CTNNA3: variants seen among roughly 807,000 people sequenced by gnomAD.
CTNNA3 encodes catenin alpha 3.
In CTNNA3, 76 loss-of-function variants were observed where a neutral mutation model predicts 95.7. That is an observed-to-expected ratio of 0.79 (90% CI 0.66 to 0.96). CTNNA3 has a LOEUF of 0.96. CTNNA3 is among the 40% of genes least tolerant of loss of function. The pLI is 0.00. For missense variants in CTNNA3, 1,191 were observed against 1,089.8 expected, an observed-to-expected ratio of 1.09 and a Z score of -1.31; for synonymous variants, 431 against 374.4, an observed-to-expected ratio of 1.15 and a Z score of -1.74.
intron 17 of CTNNA3, among the ~76,000 whole-genome samples, chr10:65,929,111 TGA>T (rs1311673797): frequency 6.7e-6 from 1 of 150,254 alleles, no homozygotes; most frequent in Non-Finnish European, 1.5e-5. Flanking sequence ...CTCCTATGAG[TGA>T]GAACATGTGG....
At chr10:67,331,977 A>G (rs979336704) in intron 5 of CTNNA3, among the ~76,000 whole-genome samples, 1 of 152,170 alleles carries the variant, frequency 6.6e-6, no homozygotes, top group Non-Finnish European at 1.5e-5. Flanking sequence ...AATAAAAGCA[A>G]CTGGGATTCC....
At chr10:67,759,483 A>G (rs1375674191) in intron 1 of CTNNA3, among the ~76,000 whole-genome samples, 1 of 152,186 alleles carries the variant, frequency 6.6e-6, no homozygotes, top group Non-Finnish European at 1.5e-5. Context: ...TTTGTGTGAA[A>G]TTTTCATAAT....
chr10:66,038,387 T>G (rs1390205024), intron 15 of CTNNA3, among the ~76,000 whole-genome samples: 4 of 152,154 alleles, frequency 2.6e-5, no homozygotes, highest in African/African-American at 4.8e-5. Flanking sequence ...CTTTTATGTT[T>G]GGAAGACAGT....
intron 1 of CTNNA3, among the ~76,000 whole-genome samples, chr10:67,754,581 T>C (rs1159728370): frequency 6.6e-6 from 1 of 152,130 alleles, no homozygotes; most frequent in Non-Finnish European, 1.5e-5. Flanking sequence ...GAAACTAGTA[T>C]TAATAGAAGA....
rs73303486 is a variant in CTNNA3 at position 66,357,822 on chromosome 10, T to C, written c.1732+21330A>G. On this transcript the variant is annotated intron_variant, in intron 12 of 17. Transcript: ENST00000433211. ...CTTAGGTATACAGATAGGAACTGAATTGCTGTGTCAGATAGTAACACATAC... is the reference window on the plus strand; with the variant it reads ...CTTAGGTATACAGATAGGAACTGAACTGCTGTGTCAGATAGTAACACATAC... Among the ~76,000 whole-genome samples, 1,456 of 152,252 alleles carry C rather than the reference T, an allele frequency of 9.6e-3. 18 individuals are homozygous for C. Among genetic ancestry groups the C allele is most frequent in the African/African-American group, 0.033 (1,390 of 41,544 alleles).
intron 6 of CTNNA3, among the ~76,000 whole-genome samples, chr10:67,190,321 T>G (rs1301910955): frequency 6.6e-6 from 1 of 152,024 alleles, no homozygotes; most frequent in African/African-American, 2.4e-5. Context: ...TCATATATAT[T>G]TTTAAAACGA....
At chr10:67,421,874 T>A (rs1359422370) in intron 5 of CTNNA3, among the ~76,000 whole-genome samples, 1 of 152,120 alleles carries the variant, frequency 6.6e-6, no homozygotes, top group South Asian at 2.1e-4. Context: ...AATAAACTCA[T>A]TGTTTTGAAA....
intron 5 of CTNNA3, among the ~76,000 whole-genome samples, chr10:67,432,098 G>A (rs1846127705): frequency 1.3e-5 from 2 of 151,994 alleles, no homozygotes; most frequent in Admixed American, 1.3e-4. Context: ...AACTAATGCA[G>A]TGTATAAAGG....
At chr10:67,429,001 C>T (rs1466846349) in intron 5 of CTNNA3, among the ~76,000 whole-genome samples, 1 of 151,902 alleles carries the variant, frequency 6.6e-6, no homozygotes, top group East Asian at 1.9e-4. Context: ...TAAGAGAACC[C>T]TAATACACTA....
At chr10:66,890,048 C>T (rs1845206907) in intron 7 of CTNNA3, among the ~76,000 whole-genome samples, 1 of 152,134 alleles carries the variant, frequency 6.6e-6, no homozygotes, top group East Asian at 1.9e-4. Flanking sequence ...GCCTTGGCTT[C>T]CCAAAGTGCT....
chr10:65,927,661 C>T (rs2077188062), intron 17 of CTNNA3, among the ~76,000 whole-genome samples: 1 of 152,108 alleles, frequency 6.6e-6, no homozygotes, highest in East Asian at 1.9e-4. Context: ...AGAAGTATTA[C>T]ATTTTATACA....
At chr10:66,836,896 AT>A (rs547767249) in intron 7 of CTNNA3, among the ~76,000 whole-genome samples, 116 of 152,152 alleles carry the variant, frequency 7.6e-4, no homozygotes, top group African/African-American at 2.5e-3. Flanking sequence ...CCCACGTATC[AT>A]TTTTTTAATG....
chr10:67,528,244 G>A (rs1299848743), intron 4 of CTNNA3, among the ~76,000 whole-genome samples: 1 of 152,156 alleles, frequency 6.6e-6, no homozygotes, highest in Non-Finnish European at 1.5e-5. Context: ...AGTTTATGAT[G>A]AGAAATAAAG....
intron 12 of CTNNA3, among the ~76,000 whole-genome samples, chr10:66,361,133 TTTTTG>T (rs940058854): frequency 6.7e-6 from 1 of 150,020 alleles, no homozygotes; most frequent in African/African-American, 2.4e-5. Flanking sequence ...AATTTTGAAT[TTTTTG>T]TTTTTTTTTT....
intron 7 of CTNNA3, among the ~76,000 whole-genome samples, chr10:66,827,894 G>C (rs1364726611): frequency 1.3e-5 from 2 of 152,180 alleles, no homozygotes; most frequent in Non-Finnish European, 1.5e-5. Context: ...CTGAATACTA[G>C]AGCTTTGTAA....
chr10:66,741,557 A>G (rs1849326343), intron 9 of CTNNA3, among the ~76,000 whole-genome samples: 1 of 152,136 alleles, frequency 6.6e-6, no homozygotes, highest in African/African-American at 2.4e-5. Context: ...AAACTAATAC[A>G]ATTCACTACA....
chr10:67,444,602 T>C (rs1846665537), intron 5 of CTNNA3, among the ~76,000 whole-genome samples: 1 of 151,864 alleles, frequency 6.6e-6, no homozygotes, highest in African/African-American at 2.4e-5. Context: ...ATCGATGAAA[T>C]GAAAAGTTAG....
intron 13 of CTNNA3, among the ~76,000 whole-genome samples, chr10:66,230,174 C>T (rs2089518214): frequency 1.3e-5 from 2 of 152,130 alleles, no homozygotes; most frequent in African/African-American, 2.4e-5. Context: ...TCATGTCTCA[C>T]TGAGTTTACT....
rs557458586 is a variant in CTNNA3, at chr10:66,729,554, C to T, written c.1281+36710G>A. On this transcript the variant is annotated intron_variant, in intron 9 of 17. Transcript: ENST00000433211. Reference sequence around the variant, plus strand: ...AGTAACTCAGGAATGGAAAACCAAACATTGTATGTTCTCACTTATAAGTGG... The same window carrying T: ...AGTAACTCAGGAATGGAAAACCAAATATTGTATGTTCTCACTTATAAGTGG... Among the ~76,000 whole-genome samples, 580 of 151,836 alleles carry T rather than the reference C, an allele frequency of 3.8e-3. 6 individuals carry two copies. Among genetic ancestry groups the T allele is most frequent in the African/African-American group, 0.013 (551 of 41,512 alleles).
Sources: gnomAD v4.1 joint callset for allele counts (sites outside exome capture counted in the v4.1 genomes callset) on GRCh38, gnomAD v4.1.1 for gene constraint, MANE v1.5 for transcripts, NCBI Gene and HGNC (gene_info 2026-07-23, HGNC 2026-07-21) for gene names.